The following RNF150 variants were observed in gnomAD, a reference collection of about 807,000 sequenced individuals.
RNF150 encodes the protein ring finger protein 150.
A neutral mutation model predicts 39.3 loss-of-function variants in RNF150; 24 were observed. That is an observed-to-expected ratio of 0.61 (90% confidence interval 0.44 to 0.86). The LOEUF is 0.86. Ranked by LOEUF, RNF150 falls within the 40% of genes least tolerant of loss-of-function variation. The pLI, the probability that RNF150 is intolerant of heterozygous loss-of-function variation, is 0.00. For missense variants in RNF150, 502 were observed against 587.8 expected (o/e 0.85, Z 1.51); for synonymous variants, 255 against 227.3 (o/e 1.12, Z -1.10).
intron 1 of RNF150, among the ~76,000 whole-genome samples, chr4:141,054,282 TTAAG>T (rs1208119192): frequency 6.6e-6 from 1 of 152,164 alleles, no homozygotes; most frequent in Non-Finnish European, 1.5e-5. Context: ...ATATCGGAAA[TTAAG>T]TAATGTTCAT....
chr4:141,175,694 G>T, intron 1 of RNF150, among the ~76,000 whole-genome samples: 1 of 152,168 alleles, frequency 6.6e-6, no homozygotes, highest in East Asian at 1.9e-4. Context: ...TTTAGTTAGG[G>T]CTACTATAAC....
chr4:140,981,992 A>G (rs1733875488), intron 1 of RNF150, among the ~76,000 whole-genome samples: 1 of 152,242 alleles, frequency 6.6e-6, no homozygotes, highest in South Asian at 2.1e-4. Context: ...AGCCCATCAC[A>G]TGTTTTTCAC....
intron 1 of RNF150, among the ~76,000 whole-genome samples, chr4:141,050,218 A>C (rs1034230161): frequency 6.6e-6 from 1 of 152,080 alleles, no homozygotes; most frequent in Non-Finnish European, 1.5e-5. Context: ...TGTGTGTGTG[A>C]GATTTTTATT....
intron 1 of RNF150, among the ~76,000 whole-genome samples, chr4:141,046,925 G>C (rs967199792): frequency 1.3e-5 from 2 of 151,806 alleles, no homozygotes; most frequent in Non-Finnish European, 2.9e-5. Flanking sequence ...CTTAACATTG[G>C]CTCTAGACAC....
At chr4:141,044,206 T>A (rs892020328) in intron 1 of RNF150, among the ~76,000 whole-genome samples, 3 of 152,296 alleles carry the variant, frequency 2.0e-5, no homozygotes, top group Admixed American at 2.0e-4. Flanking sequence ...CATACACATA[T>A]AATGTTAGCT....
intron 1 of RNF150, among the ~76,000 whole-genome samples, chr4:141,144,333 T>C (rs1356861591): frequency 6.6e-6 from 1 of 152,222 alleles, no homozygotes; most frequent in Non-Finnish European, 1.5e-5. Context: ...CATATCAGAC[T>C]AAGCTTTCCA....
chr4:141,187,242 G>C (rs1271168495), intron 1 of RNF150, among the ~76,000 whole-genome samples: 3 of 151,998 alleles, frequency 2.0e-5, no homozygotes, highest in Non-Finnish European at 4.4e-5. Flanking sequence ...CCATTCTTTT[G>C]CATTTACTGA....
At chr4:141,148,511 T>C (rs1440990122) in intron 1 of RNF150, among the ~76,000 whole-genome samples, 1 of 152,176 alleles carries the variant, frequency 6.6e-6, no homozygotes, top group Non-Finnish European at 1.5e-5. Flanking sequence ...TGGTGCCATC[T>C]TGGCTCACTG....
At chr4:140,919,790 T>C (rs1378165229) in intron 5 of RNF150, among the ~76,000 whole-genome samples, 1 of 127,010 alleles carries the variant, frequency 7.9e-6, no homozygotes, top group East Asian at 2.4e-4. Context: ...CAAACTTGGT[T>C]ACAAGGCTAC....
chr4:141,134,442 C>T (rs73849843), upstream of RNF150, among the ~76,000 whole-genome samples: 1,661 of 152,316 alleles, frequency 0.011, 27 homozygotes, highest in African/African-American at 0.038. Flanking sequence ...TTTCAGAGAA[C>T]CCAGGACCCA....
intron 6 of RNF150, among the ~76,000 whole-genome samples, chr4:140,872,102 AAC>A (rs1191483148): frequency 5.3e-5 from 8 of 152,204 alleles, no homozygotes; most frequent in Non-Finnish European, 8.8e-5. Context: ...CATAATTTTT[AAC>A]AGTTTTTATA....
intron 1 of RNF150, among the ~76,000 whole-genome samples, chr4:141,158,893 A>T (rs1727465371): frequency 6.6e-6 from 1 of 152,180 alleles, no homozygotes; most frequent in Admixed American, 6.5e-5. Flanking sequence ...TTTTGCCATT[A>T]GTTCTTCATT....
intron 6 of RNF150, among the ~76,000 whole-genome samples, chr4:140,909,876 T>A (rs1730525148): frequency 6.6e-6 from 1 of 152,192 alleles, no homozygotes; most frequent in Non-Finnish European, 1.5e-5. Context: ...TGTGCAGATA[T>A]TTCTCACCAA....
chr4:141,174,665 T>A (rs1356651799), intron 1 of RNF150, among the ~76,000 whole-genome samples: 1 of 152,064 alleles, frequency 6.6e-6, no homozygotes, highest in Non-Finnish European at 1.5e-5. Flanking sequence ...GACCACAAAC[T>A]GATAGAGGCT....
rs966037357 is a variant in RNF150, at chr4:140,975,772, C to A, written c.485-7899G>T. Reference sequence around the variant, plus strand: ...GAGTATGTTTAGACAGCCCCAAGCACCAAGAAACAACCAATGAGGCTTCCC... The same window carrying A: ...GAGTATGTTTAGACAGCCCCAAGCAACAAGAAACAACCAATGAGGCTTCCC... On this transcript the variant is annotated intron_variant, in intron 1 of 6. Transcript: ENST00000515673. 5.9e-5 allele frequency among the ~76,000 whole-genome samples: 9 copies of A among 152,120 alleles called. No individual in the cohort carries two copies. The East Asian group carries it at 1.5e-3, about 26-fold the overall frequency.
chr4:141,160,243 C>G (rs1408107476), intron 1 of RNF150, among the ~76,000 whole-genome samples: 1 of 152,154 alleles, frequency 6.6e-6, no homozygotes, highest in Non-Finnish European at 1.5e-5. Flanking sequence ...TGGAAGTTAT[C>G]ACAGATTATC....
intron 1 of RNF150, among the ~76,000 whole-genome samples, chr4:141,150,684 TC>T (rs1046755548): frequency 6.6e-6 from 1 of 152,290 alleles, no homozygotes; most frequent in African/African-American, 2.4e-5. Flanking sequence ...CTACTCTTTT[TC>T]CCCCAACTGA....
intron 5 of RNF150, among the ~76,000 whole-genome samples, chr4:140,913,252 T>G (rs924538249): frequency 5.9e-5 from 9 of 152,232 alleles, no homozygotes; most frequent in Non-Finnish European, 1.3e-4. Context: ...AGAGCAAGAC[T>G]CTGTCTCAAG....
intron 1 of RNF150, among the ~76,000 whole-genome samples, chr4:141,191,248 A>G (rs1005769581): frequency 3.3e-5 from 5 of 151,358 alleles, no homozygotes; most frequent in Non-Finnish European, 7.4e-5. Context: ...GGTGTAGGTC[A>G]TGGTCCTGAT....
Sources: allele counts gnomAD v4.1 joint callset (sites outside exome capture counted in the v4.1 genomes callset), GRCh38; gene constraint gnomAD v4.1.1; transcripts MANE v1.5; gene names NCBI Gene and HGNC (gene_info 2026-07-23, HGNC 2026-07-21).